The following AMZ1 variants were observed in gnomAD, a reference collection of about 807,000 sequenced individuals.
AMZ1 encodes archaemetzincin-1.
In AMZ1, 39 loss-of-function variants were observed where a neutral mutation model predicts 29.9. That is an observed-to-expected ratio of 1.30 (90% CI 1.01 to 1.70). The LOEUF is 1.70. AMZ1 is among the 40% of genes most tolerant of loss of function. The pLI, the probability that AMZ1 is intolerant of heterozygous loss-of-function variation, is 0.00. For synonymous variants in AMZ1, 458 were observed against 304.0 expected, an observed-to-expected ratio of 1.51 and a Z score of -5.27; for missense variants, 1,041 against 680.6, an observed-to-expected ratio of 1.53 and a Z score of -5.89.
At chr7:2,735,895 G>A (rs1790147699) in intron 4 of AMZ1, among the ~76,000 whole-genome samples, 1 of 152,098 alleles carries the variant, frequency 6.6e-6, no homozygotes, top group African/African-American at 2.4e-5. Context: ...GGCTGGAGGG[G>A]AGGGAAGAAG....
rs1381510675 is a variant in AMZ1 at position 2,714,242 on chromosome 7, T to G, written c.*1364T>G. Reference sequence around the variant, plus strand: ...AGAACAGGGCAGCTTGGACCTTTTGTGGGTGGGTGGCTCACACGGTTATGG... The same window carrying G: ...AGAACAGGGCAGCTTGGACCTTTTGGGGGTGGGTGGCTCACACGGTTATGG... On this transcript the variant is annotated 3_prime_UTR_variant, in exon 7 of 7. Coordinates refer to ENST00000683327, the MANE Select transcript of AMZ1 (RefSeq NM_001384743.1). 6.6e-6 allele frequency: 1 copy of G among 152,294 alleles called. No individual in the cohort carries two copies. The highest frequency in any genetic ancestry group is 1.5e-5 in the Non-Finnish European group (1 of 68,052). The allele number at this position is 152,294 out of a possible 1,614,324, so 9.4% of individuals were successfully genotyped here.
intron 4 of AMZ1, chr7:2,733,434 C>A (rs201231355): frequency 6.2e-7 from 1 of 1,610,748 alleles, no homozygotes; most frequent in East Asian, 2.2e-5. Flanking sequence ...CTTCTTCGGG[C>A]GGGCGTGCTT....
rs918247711 is a variant in AMZ1, at chr7:2,717,939, G to A, written c.*5061G>A. ...TTCCCCGCTGCAGTGTTCCCGTGAC[G>A]ATGAGGCAAATCCAAATAGTCACCG... On this transcript the variant is annotated 3_prime_UTR_variant, in exon 7 of 7. Coordinates refer to ENST00000683327, the MANE Select transcript of AMZ1 (RefSeq NM_001384743.1). Among the ~76,000 whole-genome samples the A allele has an allele frequency of 7.2e-5, 11 of 152,210 alleles. No individual in the cohort carries two copies. Among genetic ancestry groups the A allele is most frequent in the East Asian group, 1.9e-4 (1 of 5,190 alleles).
chr7:2,747,887 C>T (rs1051540462), intron 4 of AMZ1, among the ~76,000 whole-genome samples: 1 of 152,072 alleles, frequency 6.6e-6, no homozygotes, highest in African/African-American at 2.4e-5. Flanking sequence ...ACAGCCAAAT[C>T]ATGAGTGAAC....
chr7:2,728,339 G>T (rs1195575975), intron 4 of AMZ1: 1 of 149,586 alleles, frequency 6.7e-6, no homozygotes, highest in African/African-American at 2.5e-5. Flanking sequence ...TCTTTCAAGA[G>T]TTTTTTTTTT....
At chr7:2,756,147 C>A (rs1339987127) in intron 4 of AMZ1, among the ~76,000 whole-genome samples, 1 of 152,092 alleles carries the variant, frequency 6.6e-6, no homozygotes, top group Admixed American at 6.6e-5. Flanking sequence ...CAGGCCCCCA[C>A]ATATATGGCC....
At chr7:2,763,862 G>A (rs1269610625), upstream of AMZ1, among the ~76,000 whole-genome samples, 2 of 152,226 alleles carry the variant, frequency 1.3e-5, no homozygotes, top group Non-Finnish European at 1.5e-5. Context: ...ATGGCTGGCA[G>A]AGAGCGAGGG....
chr7:2,730,849 C>T (rs1479773257), intron 4 of AMZ1: 1 of 267,252 alleles, frequency 3.7e-6, no homozygotes, highest in Non-Finnish European at 6.9e-6. Flanking sequence ...ACACACACAA[C>T]ACGGTCCTCA....
At chr7:2,702,996 G>A in intron 3 of AMZ1, 107 bp downstream of exon 3, 1 of 1,396,436 alleles carries the variant, frequency 7.2e-7, no homozygotes, top group Non-Finnish European at 9.5e-7. Flanking sequence ...CTTCCTTTTT[G>A]CTGGGAAACA....
intron 4 of AMZ1, among the ~76,000 whole-genome samples, chr7:2,733,258 T>C (rs1167598891): frequency 6.6e-6 from 1 of 152,290 alleles, no homozygotes; most frequent in Middle Eastern, 3.4e-3. Flanking sequence ...AAAGGCAGTT[T>C]CCTCCCCTCC....
chr7:2,728,117 CAAAG>C, intron 4 of AMZ1: 1 of 151,556 alleles, frequency 6.6e-6, no homozygotes, highest in East Asian at 1.9e-4. Flanking sequence ...TTATATTAAG[CAAAG>C]AAAGACTAAA....
In AMZ1 at chr7:2,691,390, G is replaced by C. The variant is rs1186942449; in HGVS notation, c.-219+3094G>C. Reference sequence around the variant, plus strand: ...TCCCTCTCTGAGCCTCAGTCTCCTGGGTTATGACATGGGTGAATCTCAGGA... The same window carrying C: ...TCCCTCTCTGAGCCTCAGTCTCCTGCGTTATGACATGGGTGAATCTCAGGA... On this transcript the variant is annotated intron_variant, in intron 1 of 6. Coordinates refer to ENST00000683327, the MANE Select transcript of AMZ1 (RefSeq NM_001384743.1). Among the ~76,000 whole-genome samples the C allele has an allele frequency of 7.4e-5, 11 of 148,460 alleles. No homozygotes were observed. The East Asian group carries it at 2.1e-3, about 29-fold the overall frequency.
At chr7:2,762,456 G>A (rs1332192987), upstream of AMZ1, 1 of 555,592 alleles carries the variant, frequency 1.8e-6, no homozygotes, top group Non-Finnish European at 3.0e-6. Flanking sequence ...TAACTCCAAA[G>A]TCCAGCCTCT....
chr7:2,722,153 G>A (rs113353322), downstream of AMZ1, among the ~76,000 whole-genome samples: 235 of 152,348 alleles, frequency 1.5e-3, no homozygotes, highest in African/African-American at 5.3e-3. Flanking sequence ...GCACAGGAAA[G>A]GGAGTTCAGG....
chr7:2,694,547 C>A (rs896859265), intron 1 of AMZ1, among the ~76,000 whole-genome samples: 2 of 152,098 alleles, frequency 1.3e-5, no homozygotes, highest in African/African-American at 4.8e-5. Flanking sequence ...CCTTCTGCCT[C>A]CCGAAGTACT....
At chr7:2,753,565 G>T (rs986849566) in intron 4 of AMZ1, among the ~76,000 whole-genome samples, 1 of 152,102 alleles carries the variant, frequency 6.6e-6, no homozygotes, top group Non-Finnish European at 1.5e-5. Flanking sequence ...TGAACGTGCC[G>T]CAGTTTATTT....
chr7:2,737,274 GT>G (rs1041056812), intron 4 of AMZ1, among the ~76,000 whole-genome samples: 9 of 35,028 alleles, frequency 2.6e-4, no homozygotes, highest in African/African-American at 5.9e-4. Flanking sequence ...GTTTTGTTTT[GT>G]TTTTTTTTTT....
rs1360471957 is a variant in AMZ1 at position 2,708,708 on chromosome 7, C to T, written c.593C>T (p.Pro198Leu). The T allele has an allele frequency of 6.2e-7, 1 of 1,612,756 alleles. No individual in the cohort carries two copies. The highest frequency in any genetic ancestry group is 8.5e-7 in the Non-Finnish European group (1 of 1,179,978). Residue 198 changes from proline to leucine, a missense_variant, in exon 4 of 7, where the codon CCA (proline) becomes CTA (leucine). Pro to Leu is a moderately conservative substitution (Grantham distance 98). Coordinates refer to ENST00000683327, the MANE Select transcript of AMZ1 (RefSeq NM_001384743.1). ...AWSFTFSKFL[P>L]GHEVGVCSFA... ...AGCTTCACCTTCAGCAAGTTCCTTC[C>T]AGGGCACGGTGAGCCGGGGCCCCAG...
Position 2,737,681 on chromosome 7 carries a change from T to C in AMZ1, n.551-27031T>C, listed in dbSNP as rs147121861. The stretch of plus-strand genomic sequence containing the variant: ...GACCGAAAACAGGGCTTGTTAATGG[T>C]GAGCTAGAGGATTCCAAAATCTAGT... On this transcript the variant is annotated intron_variant and non_coding_transcript_variant, in intron 4 of 4. Transcript: ENST00000489665. Among the ~76,000 whole-genome samples, 410 of 152,278 alleles carry C rather than the reference T, an allele frequency of 2.7e-3. 2 individuals carry two copies. Among genetic ancestry groups the C allele is most frequent in the African/African-American group, 9.3e-3 (386 of 41,552 alleles).
Sources: gnomAD v4.1 joint callset for allele counts (sites outside exome capture counted in the v4.1 genomes callset) on GRCh38, gnomAD v4.1.1 for gene constraint, MANE v1.5 for transcripts, NCBI Gene and HGNC (gene_info 2026-07-23, HGNC 2026-07-21) for gene names.